The following ZNF441 variants were observed in gnomAD, a reference collection of about 807,000 sequenced individuals.
The protein encoded by ZNF441 is zinc finger protein 441.
Under a neutral mutation model 64.5 loss-of-function variants are expected in ZNF441, and 25 were observed. The ratio of observed to expected loss-of-function variants is 0.39; its 90% CI spans 0.28 to 0.54. The LOEUF (loss-of-function observed/expected upper bound fraction) is 0.54, where lower values mean the gene tolerates loss of function less well. Among genes scored for constraint, ZNF441 ranks in the 20% least tolerant of loss-of-function variants. The pLI is 0.70. For synonymous variants in ZNF441, 262 were observed against 268.0 expected, an observed-to-expected ratio of 0.98 and a Z score of 0.22; for missense variants, 715 against 843.3, an observed-to-expected ratio of 0.85 and a Z score of 1.88.
chr19:11,780,421 G>A lies in ZNF441; in HGVS notation c.597G>A (p.Lys199=), dbSNP rs1243969585. The change falls in exon 4 of 4, where the codon AAG becomes AAA. Residue 199 remains lysine, a synonymous_variant. Coordinates refer to ENST00000357901, the MANE Select transcript of ZNF441 (RefSeq NM_152355.3). ...ATGGAGATGGACCTCGTATATGTAA[G>A]TTGTGTGGAAACGCCTTTATTTGGC... The part of the protein sequence containing the change: ...AHHGDGPRIC[K]LCGNAFIWPS... 6.2e-7 allele frequency: 1 copy of A among 1,614,210 alleles called. No individual in the cohort carries two copies. The highest frequency in any genetic ancestry group is 1.7e-5 in the Admixed American group (1 of 60,016).
intron 1 of ZNF441, among the ~76,000 whole-genome samples, chr19:11,768,702 G>T (rs768350954): frequency 5.3e-5 from 8 of 152,238 alleles, no homozygotes; most frequent in Non-Finnish European, 1.2e-4. Context: ...ATGATGCCCT[G>T]TAGTGGGAGG....
chr19:11,780,662 TA>T lies in ZNF441; in HGVS notation c.839del (p.Tyr280LeufsTer20). The stretch of plus-strand genomic sequence containing the variant: ...AAGGACTCACACTGGAGAACAATCC[TA>T]TGAATGTAAGCAATGTGGGAAAGCA... ...YERTHTGEQS[Y>X]ECKQCGKAFY... On this transcript the variant is annotated frameshift_variant, in exon 4 of 4. Transcript: ENST00000357901. LOFTEE classifies it high-confidence loss of function. 1 of 1,614,162 alleles carries T rather than the reference TA, an allele frequency of 6.2e-7. No homozygotes were observed.
At chr19:11,776,599 C>T (rs1215628385) in intron 1 of ZNF441, among the ~76,000 whole-genome samples, 1 of 152,078 alleles carries the variant, frequency 6.6e-6, no homozygotes, top group African/African-American at 2.4e-5. Context: ...CCCTTCTTTT[C>T]TTCTTTGACA....
intron 3 of ZNF441, among the ~76,000 whole-genome samples, chr19:11,778,832 A>G (rs530360309): frequency 6.6e-6 from 1 of 152,210 alleles, no homozygotes; most frequent in Non-Finnish European, 1.5e-5. Flanking sequence ...ATTTTCTTCA[A>G]AAACATATAC....
Position 11,777,270 on chromosome 19 carries a change from A to G in ZNF441, c.4-341A>G, listed in dbSNP as rs2145082202. Among the ~76,000 whole-genome samples the G allele has an allele frequency of 2.0e-5, 3 of 151,844 alleles. No individual in the cohort carries two copies. In the South Asian group the frequency reaches 6.2e-4, roughly 31 times the overall value. Reference sequence around the variant, plus strand: ...TCTGGTGAGAGCCTTCTTGCTGGTAACTCTCTTTTGCACAATAGGTAGTAG... The same window carrying G: ...TCTGGTGAGAGCCTTCTTGCTGGTAGCTCTCTTTTGCACAATAGGTAGTAG... On this transcript the variant is annotated intron_variant, in intron 1 of 3. Coordinates refer to ENST00000357901, the MANE Select transcript of ZNF441 (RefSeq NM_152355.3).
Position 11,769,680 on chromosome 19 carries a change from T to A in ZNF441, c.3+2484T>A, listed in dbSNP as rs955281685. 9.3e-5 allele frequency among the ~76,000 whole-genome samples: 14 copies of A among 150,986 alleles called. No individual in the cohort carries two copies. The South Asian group carries it at 2.9e-3, about 32-fold the overall frequency. On this transcript the variant is annotated intron_variant, in intron 1 of 3. Coordinates refer to ENST00000357901, the MANE Select transcript of ZNF441 (RefSeq NM_152355.3). Reference sequence around the variant, plus strand: ...TCTACTAAAGGACTCTTTTTTTTTTTATTTTTTATTTTTGAGATGGAGTCT... The same window carrying A: ...TCTACTAAAGGACTCTTTTTTTTTTAATTTTTTATTTTTGAGATGGAGTCT...
chr19:11,777,591 G>A lies in ZNF441; in HGVS notation c.4-20G>A. 6.2e-7 allele frequency: 1 copy of A among 1,606,358 alleles called. No homozygotes were observed. Among genetic ancestry groups the A allele is most frequent in the Non-Finnish European group, 8.5e-7 (1 of 1,176,100 alleles). ...CCTTCAGTTTTAATATTCCTCCTCT[G>A]CACATGTGAAATATTTCAGGACTCA... On this transcript the variant is annotated intron_variant, in intron 1 of 3. Transcript: ENST00000357901.
intron 1 of ZNF441, among the ~76,000 whole-genome samples, chr19:11,775,080 A>G (rs1975343670): frequency 6.6e-6 from 1 of 152,230 alleles, no homozygotes. Flanking sequence ...AAAAGTAAAA[A>G]AGACATGCCA....
intron 1 of ZNF441, among the ~76,000 whole-genome samples, chr19:11,771,893 A>C (rs1599268022): frequency 6.6e-6 from 1 of 152,320 alleles, no homozygotes; most frequent in Middle Eastern, 3.4e-3. Context: ...GCCTGACATC[A>C]GTCAGGTTTG....
rs1381113707 is a variant in ZNF441 at position 11,767,307 on chromosome 19, A to G, written c.3+111A>G. 2 of 1,504,316 alleles carry G rather than the reference A, an allele frequency of 1.3e-6. No homozygotes were observed. Among genetic ancestry groups the G allele is most frequent in the Non-Finnish European group, 1.8e-6 (2 of 1,107,672 alleles). The allele number at this position is 1,504,316 out of a possible 1,614,324, so 93.2% of individuals were successfully genotyped here. A position where few individuals can be genotyped will look rare whatever the true frequency, so the allele number is the denominator to read the frequency against. On this transcript the variant is annotated intron_variant, in intron 1 of 3. Coordinates refer to ENST00000357901, the MANE Select transcript of ZNF441 (RefSeq NM_152355.3). This position sits in a 1 kb window ranked among gnomAD's most constrained non-coding sequence, Gnocchi z 5.1. ...TTCCCCGCCGGCGACACCCTGGCGC[A>G]GCTCGGCCCTCGGTTCCCTCGGCCG... is the stretch of plus-strand genomic sequence containing the variant.
At chr19:11,777,769 A>G (rs1975366926) in intron 2 of ZNF441, 32 bp downstream of exon 2, 3 of 1,586,782 alleles carry the variant, frequency 1.9e-6, no homozygotes, top group Non-Finnish European at 1.7e-6. Flanking sequence ...CACTTAGTCA[A>G]TTAGAGACAT....
At chr19:11,778,694 G>A (rs967383321) in intron 3 of ZNF441, among the ~76,000 whole-genome samples, 10 of 152,164 alleles carry the variant, frequency 6.6e-5, no homozygotes, top group Non-Finnish European at 1.2e-4. Flanking sequence ...CTGTCCTTAA[G>A]CGTTCCTCCT....
At chr19:11,779,333 A>G (rs1381948382) in intron 3 of ZNF441, among the ~76,000 whole-genome samples, 5 of 150,804 alleles carry the variant, frequency 3.3e-5, no homozygotes, top group Non-Finnish European at 5.9e-5. Flanking sequence ...AAAAAAAAAA[A>G]AAAAGAAAAA....
chr19:11,769,490 C>A (rs771582569), intron 1 of ZNF441, among the ~76,000 whole-genome samples: 2 of 152,128 alleles, frequency 1.3e-5, no homozygotes, highest in African/African-American at 4.8e-5. Flanking sequence ...CTCCTGATTA[C>A]TATAGTCTTC....
At position 11,780,984 on chromosome 19, in the gene ZNF441, C is replaced by G. The variant is rs61730698; in HGVS notation, c.1160C>G (p.Thr387Ser). The stretch of plus-strand genomic sequence containing the variant: ...TGTCGAAGGCATGAAACAACTCATA[C>G]TGGGGAGAAACCCTATAAATGTGAA... ...SLCRRHETTH[T>S]GEKPYKCECG... The change falls in exon 4 of 4, where the codon ACT becomes AGT. Residue 387 changes from threonine (T) to serine (S), a missense_variant. Thr to Ser is a moderately conservative substitution (Grantham distance 58). Transcript: ENST00000357901. The G allele has an allele frequency of 6.2e-4, 1,004 of 1,613,536 alleles. 10 individuals are homozygous for G. In the African/African-American group the frequency reaches 0.012, roughly 20 times the overall value.
intron 3 of ZNF441, among the ~76,000 whole-genome samples, chr19:11,779,595 A>T (rs1364764188): frequency 6.6e-6 from 1 of 152,082 alleles, no homozygotes; most frequent in Non-Finnish European, 1.5e-5. Context: ...AATACAAAAA[A>T]TTAGCCAGGT....
chr19:11,782,733 G>A lies in ZNF441; in HGVS notation c.*827G>A, dbSNP rs1975414035. 6.6e-6 allele frequency: 1 copy of A among 152,184 alleles called. No homozygotes were observed. The highest frequency in any genetic ancestry group is 6.5e-5 in the Admixed American group (1 of 15,288). The allele number at this position is 152,184 out of a possible 1,614,324, so 9.4% of individuals were successfully genotyped here. On this transcript the variant is annotated 3_prime_UTR_variant, in exon 4 of 4. Transcript: ENST00000357901. Reference sequence around the variant, plus strand: ...TTTCTTTACATCACCAAACCTTCCAGTGGTTATAGGCATTTTGTTATCCTT... The same window carrying A: ...TTTCTTTACATCACCAAACCTTCCAATGGTTATAGGCATTTTGTTATCCTT...
chr19:11,778,418 C>G (rs1014142210), intron 3 of ZNF441, 25 bp downstream of exon 3: 61 of 1,507,958 alleles, frequency 4.0e-5, no homozygotes, highest in Non-Finnish European at 5.3e-5. Context: ...CAAGAGAAAG[C>G]TGTGTCCTTG....
At position 11,767,978 on chromosome 19, in the gene ZNF441, G is replaced by T. The variant is rs1296166030; in HGVS notation, c.3+782G>T. Among the ~76,000 whole-genome samples, 1 of 152,212 alleles carries T rather than the reference G, an allele frequency of 6.6e-6. No homozygotes were observed. The highest frequency in any genetic ancestry group is 1.5e-5 in the Non-Finnish European group (1 of 68,032). On this transcript the variant is annotated intron_variant, in intron 1 of 3. Transcript: ENST00000357901. This position sits in a 1 kb window ranked among gnomAD's most constrained non-coding sequence, Gnocchi z 5.1. Reference sequence around the variant, plus strand: ...GTGAACCCGGTGAGGAGGCTGCACGGTGATGACAGGTCACCAGGCAGACTC... The same window carrying T: ...GTGAACCCGGTGAGGAGGCTGCACGTTGATGACAGGTCACCAGGCAGACTC...
Sources: allele counts gnomAD v4.1 joint callset (sites outside exome capture counted in the v4.1 genomes callset), GRCh38; gene constraint gnomAD v4.1.1; non-coding constraint Gnocchi (gnomAD v3.1); transcripts MANE v1.5; gene names NCBI Gene and HGNC (gene_info 2026-07-23, HGNC 2026-07-21).